Variants in FMNL2 observed in about 807,000 individuals in gnomAD.
FMNL2 encodes the protein formin-like protein 2.
A neutral mutation model predicts 130.2 loss-of-function variants in FMNL2; 51 were observed. That is an observed-to-expected ratio of 0.39 (90% CI 0.31 to 0.49). The LOEUF (loss-of-function observed/expected upper bound fraction) is 0.49, where lower values mean the gene tolerates loss of function less well. Ranked by LOEUF, FMNL2 falls within the 20% of genes least tolerant of loss-of-function variation. FMNL2 has a pLI of 0.85. For missense variants in FMNL2, 977 were observed against 1,316.2 expected (o/e 0.74, Z 3.99); for synonymous variants, 465 against 467.1 (o/e 1.00, Z 0.06).
chr2:152,461,923 A>G (rs1020950904), intron 1 of FMNL2, among the ~76,000 whole-genome samples: 4 of 151,590 alleles, frequency 2.6e-5, no homozygotes, highest in African/African-American at 9.7e-5. Context: ...TTGAGACAAG[A>G]TCTCTCTTTG....
intron 1 of FMNL2, among the ~76,000 whole-genome samples, chr2:152,369,482 C>T (rs1432952916): frequency 6.6e-6 from 1 of 152,166 alleles, no homozygotes; most frequent in Non-Finnish European, 1.5e-5. Context: ...TGATGCCCTG[C>T]CTTTGGTATT....
intron 1 of FMNL2, among the ~76,000 whole-genome samples, chr2:152,406,039 T>C (rs1024880145): frequency 6.6e-6 from 1 of 152,146 alleles, no homozygotes; most frequent in Admixed American, 6.5e-5. Context: ...TTGGGCAAGG[T>C]ATATATATCT....
chr2:152,459,316 T>G (rs1310055256), intron 1 of FMNL2, among the ~76,000 whole-genome samples: 1 of 152,188 alleles, frequency 6.6e-6, no homozygotes, highest in Non-Finnish European at 1.5e-5. Flanking sequence ...TGGAATGAGG[T>G]CTTTCATGAA....
intron 1 of FMNL2, among the ~76,000 whole-genome samples, chr2:152,510,320 A>T (rs997297450): frequency 1.3e-5 from 2 of 152,226 alleles, no homozygotes; most frequent in Non-Finnish European, 2.9e-5. Context: ...TTATTGGGGT[A>T]CTGTGGCTGT....
At chr2:152,558,678 C>T (rs1396037254) in intron 4 of FMNL2, 62 bp from the exon 5 acceptor site, 11 of 1,457,180 alleles carry the variant, frequency 7.5e-6, no homozygotes, top group African/African-American at 2.8e-5. Context: ...GCATTGTGTC[C>T]GTTCCATGGC....
chr2:152,450,440 C>G (rs1052287865), intron 1 of FMNL2, among the ~76,000 whole-genome samples: 2 of 152,152 alleles, frequency 1.3e-5, no homozygotes, highest in African/African-American at 4.8e-5. Flanking sequence ...TTTGTAGTTA[C>G]AGCAGTTAGA....
chr2:152,406,934 C>G (rs1457410872), intron 1 of FMNL2, among the ~76,000 whole-genome samples: 1 of 152,104 alleles, frequency 6.6e-6, no homozygotes. Flanking sequence ...AAAAAGCTTC[C>G]TGAGTCACCC....
intron 9 of FMNL2, among the ~76,000 whole-genome samples, chr2:152,581,945 T>C (rs1390772849): frequency 6.6e-6 from 1 of 152,182 alleles, no homozygotes; most frequent in Admixed American, 6.5e-5. Flanking sequence ...CTCTCCTCTT[T>C]CCTGAAAGGT....
Position 152,560,989 on chromosome 2 carries a change from C to T in FMNL2, c.550C>T (p.Pro184Ser), listed in dbSNP as rs200166972. 38 of 1,605,566 alleles carry T rather than the reference C, an allele frequency of 2.4e-5. No homozygotes were observed. In the East Asian group the frequency reaches 2.9e-4, roughly 12 times the overall value. Residue 184 changes from proline to serine, a missense_variant, in exon 6 of 26, where the codon CCT (proline) becomes TCT (serine). Transcript: ENST00000288670. The part of the protein sequence containing the change: ...DLHRGSNLPS[P>S]VGNSVSRSGR... ...GCACAGAGGGAGCAACCTGCCCTCA[C>T]CTGTGGGCAACAGTGTCTCCCGCTC...
At chr2:152,337,639 G>A (rs1176913106) in intron 1 of FMNL2, among the ~76,000 whole-genome samples, 1 of 152,052 alleles carries the variant, frequency 6.6e-6, no homozygotes, top group African/African-American at 2.4e-5. Flanking sequence ...TCTTGTTAAG[G>A]CTAGCAGTTG....
chr2:152,393,541 G>A (rs918950158), intron 1 of FMNL2, among the ~76,000 whole-genome samples: 2 of 152,316 alleles, frequency 1.3e-5, no homozygotes, highest in East Asian at 3.9e-4. Context: ...TTGTTTGACT[G>A]TCCCCCTGAC....
At chr2:152,416,173 A>G (rs1437985307) in intron 1 of FMNL2, among the ~76,000 whole-genome samples, 2 of 152,176 alleles carry the variant, frequency 1.3e-5, no homozygotes, top group Non-Finnish European at 2.9e-5. Flanking sequence ...CAGAGGTACT[A>G]TTGAAACTTT....
chr2:152,379,165 T>C (rs139990808), intron 1 of FMNL2, among the ~76,000 whole-genome samples: 1 of 152,144 alleles, frequency 6.6e-6, no homozygotes, highest in Non-Finnish European at 1.5e-5. Flanking sequence ...AATGATACTT[T>C]AAAGGTGCGT....
At chr2:152,604,920 A>C (rs1019739108) in intron 9 of FMNL2, among the ~76,000 whole-genome samples, 2 of 141,006 alleles carry the variant, frequency 1.4e-5, no homozygotes, top group African/African-American at 4.9e-5. Flanking sequence ...TGCTAAAGAA[A>C]ATTCACATTG....
At chr2:152,502,129 G>C (rs1295394224) in intron 1 of FMNL2, among the ~76,000 whole-genome samples, 1 of 152,166 alleles carries the variant, frequency 6.6e-6, no homozygotes, top group Non-Finnish European at 1.5e-5. Context: ...TTTGGGCGAG[G>C]TGGCGCTAAC....
intron 1 of FMNL2, among the ~76,000 whole-genome samples, chr2:152,402,197 C>T (rs917601271): frequency 3.3e-5 from 5 of 152,122 alleles, no homozygotes; most frequent in African/African-American, 9.7e-5. Context: ...CCACTACGCC[C>T]GGCCGTGTTT....
chr2:152,615,100 T>G (rs1698880142), intron 12 of FMNL2, 100 bp downstream of exon 12: 2 of 1,347,786 alleles, frequency 1.5e-6, no homozygotes, highest in Admixed American at 4.2e-5. Context: ...GGATTTGGAG[T>G]ATAGGAATAG....
At chr2:152,386,560 T>C (rs1047173231) in intron 1 of FMNL2, among the ~76,000 whole-genome samples, 1 of 152,224 alleles carries the variant, frequency 6.6e-6, no homozygotes, top group African/African-American at 2.4e-5. Flanking sequence ...CATTAGCAGC[T>C]TTCTTTGCTT....
Position 152,397,342 on chromosome 2 carries a change from G to A in FMNL2, c.117+61622G>A, listed in dbSNP as rs11886407. ...TGGGGAAGACTTAGGGAAATTATTC[G>A]GATAGTTCAGTTCCTTTCCTTTTAT... On this transcript the variant is annotated intron_variant, in intron 1 of 25. Transcript: ENST00000288670. 8.2e-3 allele frequency among the ~76,000 whole-genome samples: 1,249 copies of A among 152,092 alleles called. 17 individuals carry two copies. The highest frequency in any genetic ancestry group is 0.029 in the African/African-American group (1,190 of 41,472).
Sources: gnomAD v4.1 joint callset for allele counts (sites outside exome capture counted in the v4.1 genomes callset) on GRCh38, gnomAD v4.1.1 for gene constraint, MANE v1.5 for transcripts, NCBI Gene and HGNC (gene_info 2026-07-23, HGNC 2026-07-21) for gene names.